The following RFC3 variants were observed in gnomAD, a reference collection of about 807,000 sequenced individuals.
The protein encoded by RFC3 is A1 38 kDa subunit.
Under a neutral mutation model 45.1 loss-of-function variants are expected in RFC3, and 41 were observed. That is an observed-to-expected ratio of 0.91 (90% CI 0.71 to 1.18). RFC3 has a LOEUF of 1.18. Among genes scored for constraint, RFC3 ranks in the 50% most tolerant of loss-of-function variants. RFC3 has a pLI of 0.00. For missense variants in RFC3, 423 were observed against 428.1 expected, an observed-to-expected ratio of 0.99 and a Z score of 0.10; for synonymous variants, 149 against 144.0, an observed-to-expected ratio of 1.03 and a Z score of -0.25.
chr13:33,938,214 A>C lies in RFC3; in HGVS notation c.880-27873A>C, dbSNP rs576915501. 3.4e-4 allele frequency among the ~76,000 whole-genome samples: 50 copies of C among 146,958 alleles called. 1 individual carries two copies. Among genetic ancestry groups the C allele is most frequent in the African/African-American group, 1.2e-3 (48 of 40,120 alleles). On this transcript the variant is annotated intron_variant, in intron 8 of 8. Transcript: ENST00000434425. ...AAAAAAAAAAAAAAAAAAAAGTAAG[A>C]GTTGAAAATGAAAATGACTTCAAAG... is the stretch of plus-strand genomic sequence containing the variant.
intron 8 of RFC3, among the ~76,000 whole-genome samples, chr13:33,934,362 A>G (rs1160637357): frequency 6.6e-6 from 1 of 151,972 alleles, no homozygotes; most frequent in Non-Finnish European, 1.5e-5. Context: ...AAAAACAATA[A>G]TTGATAGAAG....
downstream of RFC3, among the ~76,000 whole-genome samples, chr13:33,970,902 CAA>C (rs2083106904): frequency 6.6e-6 from 1 of 152,160 alleles, no homozygotes; most frequent in Non-Finnish European, 1.5e-5. Context: ...AGCTGCTAGC[CAA>C]AGAGATGTCA....
rs773508064 is a variant in RFC3, at chr13:33,830,809, A to C, written c.664A>C (p.Asn222His). Residue 222 changes from asparagine to histidine, a missense_variant, in exon 6 of 9, where the codon AAT (asparagine) becomes CAT (histidine). Asn to His is a moderately conservative substitution (Grantham distance 68). Transcript: ENST00000380071. ...TAGACTTGCAGAGAAGTCTTGTAGA[A>C]ATCTCAGAAAAGCCCTGCTTATGTG... is the stretch of plus-strand genomic sequence containing the variant. ...AHRLAEKSCRNLRKALLMCEA... is the reference protein window; with the variant it reads ...AHRLAEKSCRHLRKALLMCEA... The C allele has an allele frequency of 6.2e-6, 10 of 1,613,772 alleles. No individual in the cohort carries two copies. In the East Asian group the frequency reaches 2.2e-4, roughly 36 times the overall value.
At chr13:33,882,175 C>G (rs1215603248) in intron 8 of RFC3, among the ~76,000 whole-genome samples, 1 of 152,096 alleles carries the variant, frequency 6.6e-6, no homozygotes, top group African/African-American at 2.4e-5. Flanking sequence ...CTTATGTAAA[C>G]ATAATGCATT....
intron 8 of RFC3, among the ~76,000 whole-genome samples, chr13:33,868,450 C>T (rs1382263675): frequency 6.6e-6 from 1 of 152,146 alleles, no homozygotes; most frequent in East Asian, 1.9e-4. Context: ...TGCACCGCCT[C>T]ACAGATGAAA....
intron 3 of RFC3, among the ~76,000 whole-genome samples, chr13:33,824,374 C>T (rs2082030480): frequency 6.6e-6 from 1 of 152,104 alleles, no homozygotes; most frequent in Non-Finnish European, 1.5e-5. Flanking sequence ...CTTTCTTTGT[C>T]ACTCTCTTTG....
intron 8 of RFC3, among the ~76,000 whole-genome samples, chr13:33,916,895 C>T (rs533227690): frequency 1.2e-3 from 182 of 152,134 alleles, no homozygotes; most frequent in Non-Finnish European, 2.1e-3. Flanking sequence ...ATATAACTTC[C>T]CACATTTCCA....
intron 8 of RFC3, among the ~76,000 whole-genome samples, chr13:33,892,850 G>A (rs948902353): frequency 1.3e-5 from 2 of 152,178 alleles, no homozygotes; most frequent in Non-Finnish European, 2.9e-5. Flanking sequence ...TGAGAAGGCT[G>A]TAAGGTAATT....
At chr13:33,872,952 T>C (rs990424238) in intron 8 of RFC3, among the ~76,000 whole-genome samples, 1 of 152,088 alleles carries the variant, frequency 6.6e-6, no homozygotes, top group Non-Finnish European at 1.5e-5. Flanking sequence ...CAGTGATGAC[T>C]GAAAGAGCCA....
chr13:33,950,009 G>A (rs1019111140), intron 8 of RFC3, among the ~76,000 whole-genome samples: 1 of 151,634 alleles, frequency 6.6e-6, no homozygotes, highest in African/African-American at 2.4e-5. Context: ...ACTGCAGATC[G>A]TGGGACTTGC....
At chr13:33,954,125 G>A (rs2083006785) in intron 8 of RFC3, among the ~76,000 whole-genome samples, 1 of 152,074 alleles carries the variant, frequency 6.6e-6, no homozygotes. Context: ...AAAATTGATA[G>A]CAACCTTGTA....
Position 33,836,473 on chromosome 13 carries a change from T to A in RFC3, c.*178T>A. On this transcript the variant is annotated 3_prime_UTR_variant, in exon 9 of 9. Transcript: ENST00000380071. ...AGTTAAATAATTGCTCCTATACTATTGAAGTATGTAGTTTTGTACATAACT... is the reference window on the plus strand; with the variant it reads ...AGTTAAATAATTGCTCCTATACTATAGAAGTATGTAGTTTTGTACATAACT... 9.4e-6 allele frequency: 13 copies of A among 1,382,900 alleles called. No homozygotes were observed. Among genetic ancestry groups the A allele is most frequent in the Non-Finnish European group, 1.2e-5 (13 of 1,067,186 alleles). 85.7% of individuals were successfully genotyped at this position (1,382,900 alleles called of 1,614,324 possible).
the RFC3 span, among the ~76,000 whole-genome samples, chr13:33,973,474 T>C: frequency 6.6e-6 from 1 of 152,166 alleles, no homozygotes; most frequent in South Asian, 2.1e-4. Context: ...GGAGATAGTA[T>C]GGCATACCTA....
intron 7 of RFC3, among the ~76,000 whole-genome samples, chr13:33,831,718 A>C (rs2082106424): frequency 6.6e-6 from 1 of 152,190 alleles, no homozygotes; most frequent in Non-Finnish European, 1.5e-5. Context: ...TTTGTAATCA[A>C]TGATGCATCA....
intron 7 of RFC3, among the ~76,000 whole-genome samples, chr13:33,834,329 T>TATATATATATATATATATACACACATAC (rs1300798923): frequency 7.2e-5 from 9 of 125,106 alleles, no homozygotes; most frequent in East Asian, 2.4e-4. Flanking sequence ...TATATATATA[T>TATATATATATATATATATACACACATAC]ATCTGTACTG....
At chr13:33,865,358 C>T (rs2082366625) in intron 8 of RFC3, among the ~76,000 whole-genome samples, 1 of 152,122 alleles carries the variant, frequency 6.6e-6, no homozygotes, top group African/African-American at 2.4e-5. Flanking sequence ...TTGTGCTCAC[C>T]CTCTCTAGTG....
intron 3 of RFC3, 62 bp from the exon 4 acceptor site, chr13:33,825,727 C>T (rs1350403546): frequency 2.3e-6 from 2 of 887,262 alleles, no homozygotes; most frequent in East Asian, 6.0e-5. Flanking sequence ...AGAACTTCAC[C>T]ATTTTTCTTA....
At chr13:33,944,355 C>T (rs2137811805) in intron 8 of RFC3, among the ~76,000 whole-genome samples, 1 of 152,304 alleles carries the variant, frequency 6.6e-6, no homozygotes, top group East Asian at 1.9e-4. Context: ...ACAATTCCTT[C>T]CAACGCTGCT....
intron 8 of RFC3, among the ~76,000 whole-genome samples, chr13:33,877,115 G>C (rs1022071805): frequency 1.3e-5 from 2 of 152,174 alleles, no homozygotes; most frequent in Non-Finnish European, 2.9e-5. Context: ...GGATTCATAG[G>C]AACTTCATGA....
Sources: gnomAD v4.1 joint callset for allele counts (sites outside exome capture counted in the v4.1 genomes callset) on GRCh38, gnomAD v4.1.1 for gene constraint, MANE v1.5 for transcripts, NCBI Gene and HGNC (gene_info 2026-07-23, HGNC 2026-07-21) for gene names.